LRP6: variants seen among roughly 807,000 people sequenced by gnomAD.
LRP6 encodes LDL receptor related protein 6, also known as low-density lipoprotein receptor-related protein 6.
LRP6 carries 43 observed loss-of-function variants against 184.1 expected under a neutral mutation model. The observed-to-expected ratio is 0.23, with a 90% confidence interval of 0.18 to 0.30. The LOEUF (loss-of-function observed/expected upper bound fraction) is 0.30, where lower values mean the gene tolerates loss of function less well. Among genes scored for constraint, LRP6 ranks in the 10% least tolerant of loss-of-function variants. LRP6 has a pLI of 1.00. For missense variants in LRP6, 1,571 were observed against 2,005.3 expected (o/e 0.78, Z 4.14); for synonymous variants, 719 against 684.9 (o/e 1.05, Z -0.78).
intron 13 of LRP6, among the ~76,000 whole-genome samples, chr12:12,149,903 G>T: frequency 6.6e-6 from 1 of 152,078 alleles, no homozygotes; most frequent in Middle Eastern, 3.2e-3. Flanking sequence ...CTATCTATTA[G>T]TTATCAGCCC....
rs1312063321 is a variant in LRP6, at chr12:12,118,177, AAATT to A, written c.*2945_*2948del. 2 of 152,224 alleles carry A rather than the reference AAATT, an allele frequency of 1.3e-5. No individual in the cohort carries two copies. The highest frequency in any genetic ancestry group is 2.1e-4 in the South Asian group (1 of 4,838). 9.4% of individuals were successfully genotyped at this position (152,224 alleles called of 1,614,324 possible). ...GGCATAATAAAATTTCATGGAAGAA[AAATT>A]AATAGTCAGAAAATTCTATCCACCA... On this transcript the variant is annotated 3_prime_UTR_variant, in exon 23 of 23. Transcript: ENST00000261349.
intron 3 of LRP6, among the ~76,000 whole-genome samples, chr12:12,193,538 G>A (rs1213337735): frequency 1.3e-5 from 2 of 151,060 alleles, no homozygotes; most frequent in African/African-American, 4.9e-5. Flanking sequence ...TGTGAATAAA[G>A]TGATGAATGA....
At chr12:12,157,710 C>T (rs1323615828) in intron 12 of LRP6, among the ~76,000 whole-genome samples, 2 of 152,050 alleles carry the variant, frequency 1.3e-5, no homozygotes, top group African/African-American at 4.8e-5. Flanking sequence ...AGTTAATTAC[C>T]TCTAATATCC....
At chr12:12,159,591 C>T (rs1565578757) in intron 11 of LRP6, among the ~76,000 whole-genome samples, 189 bp downstream of exon 11, 1 of 152,024 alleles carries the variant, frequency 6.6e-6, no homozygotes, top group Non-Finnish European at 1.5e-5. Flanking sequence ...GAAACTTTCA[C>T]ATAATAAAAA....
At chr12:12,252,755 A>G (rs933266767) in intron 1 of LRP6, among the ~76,000 whole-genome samples, 1 of 152,214 alleles carries the variant, frequency 6.6e-6, no homozygotes. Flanking sequence ...ATGCTATTAT[A>G]TAGAAGTTAA....
intron 1 of LRP6, chr12:12,249,414 A>G (rs1280215450): frequency 2.5e-6 from 2 of 814,432 alleles, no homozygotes; most frequent in South Asian, 1.4e-5. Context: ...CCTCAAGGAC[A>G]GTGTTACAGC....
At chr12:12,164,025 G>A (rs897596115) in intron 9 of LRP6, among the ~76,000 whole-genome samples, 15 of 151,962 alleles carry the variant, frequency 9.9e-5, no homozygotes, top group African/African-American at 3.6e-4. Flanking sequence ...AGCTGCTCGG[G>A]AGGCTGAAGC....
At chr12:12,169,021 G>A (rs1862959310) in intron 7 of LRP6, among the ~76,000 whole-genome samples, 2 of 152,106 alleles carry the variant, frequency 1.3e-5, no homozygotes, top group South Asian at 4.1e-4. Flanking sequence ...TTGAGGTCAG[G>A]AGTTCGAGAC....
intron 1 of LRP6, among the ~76,000 whole-genome samples, chr12:12,254,707 C>A (rs1412304976): frequency 1.3e-5 from 2 of 152,210 alleles, no homozygotes; most frequent in Non-Finnish European, 2.9e-5. Context: ...TGACCAAATA[C>A]TTCTAAGTTA....
intron 3 of LRP6, among the ~76,000 whole-genome samples, chr12:12,194,232 A>G (rs1863693040): frequency 1.3e-5 from 2 of 152,090 alleles, no homozygotes; most frequent in Admixed American, 6.6e-5. Flanking sequence ...CCTACAGGTA[A>G]TATCATGCTC....
At chr12:12,227,946 G>A (rs1023281429) in intron 2 of LRP6, among the ~76,000 whole-genome samples, 10 of 152,214 alleles carry the variant, frequency 6.6e-5, no homozygotes, top group African/African-American at 2.4e-4. Flanking sequence ...AGCCCTTTCT[G>A]CTTCAGTTTG....
chr12:12,194,539 T>C (rs779542913), intron 3 of LRP6, among the ~76,000 whole-genome samples: 18 of 152,074 alleles, frequency 1.2e-4, no homozygotes, highest in Non-Finnish European at 4.4e-5. Flanking sequence ...CACAGAAAAA[T>C]AGTTTAGTCT....
At chr12:12,180,160 A>G (rs1863307743) in intron 6 of LRP6, among the ~76,000 whole-genome samples, 179 bp from the exon 7 acceptor site, 1 of 149,946 alleles carries the variant, frequency 6.7e-6, no homozygotes, top group Admixed American at 6.6e-5. Flanking sequence ...AATATATAAG[A>G]TTGTGGGAAA....
At position 12,247,541 on chromosome 12, in the gene LRP6, T is replaced by A. The variant is rs148704066; in HGVS notation, c.56-2886A>T. Among the ~76,000 whole-genome samples the A allele has an allele frequency of 2.9e-3, 435 of 152,282 alleles. 3 individuals are homozygous for A. Among genetic ancestry groups the A allele is most frequent in the African/African-American group, 9.4e-3 (391 of 41,558 alleles). On this transcript the variant is annotated intron_variant, in intron 1 of 22. Transcript: ENST00000261349. ...TTAAGTTAGCAATACTGGTTACAAT[T>A]GAGGATTTGTAAAGGACTGTACATA...
chr12:12,119,109 C>CT lies in LRP6; in HGVS notation c.*2016dup, dbSNP rs1409424732. The CT allele has an allele frequency of 8.5e-5, 13 of 152,194 alleles. No homozygotes were observed. The highest frequency in any genetic ancestry group is 1.6e-4 in the Non-Finnish European group (11 of 68,042). 9.4% of individuals were successfully genotyped at this position (152,194 alleles called of 1,614,324 possible). A position where few individuals can be genotyped will look rare whatever the true frequency, so the allele number is the denominator to read the frequency against. ...AGCAATGGGAAGAGTTCATGCTTGT[C>CT]TGTTTTAGGATTCTGATAGATTTAC... On this transcript the variant is annotated 3_prime_UTR_variant, in exon 23 of 23. Coordinates refer to ENST00000261349, the MANE Select transcript of LRP6 (RefSeq NM_002336.3).
At chr12:12,126,611 G>A in intron 20 of LRP6, 80 bp downstream of exon 20, 2 of 1,059,848 alleles carry the variant, frequency 1.9e-6, no homozygotes, top group East Asian at 4.7e-5. Context: ...CAGACTCTAG[G>A]TAGTATTCTT....
chr12:12,150,106 A>G (rs902673491), intron 13 of LRP6, among the ~76,000 whole-genome samples: 14 of 152,116 alleles, frequency 9.2e-5, no homozygotes, highest in African/African-American at 3.1e-4. Context: ...CACTGCTATG[A>G]GGATGACAAC....
At chr12:12,226,545 A>T (rs1406941948) in intron 2 of LRP6, 1 of 152,224 alleles carries the variant, frequency 6.6e-6, no homozygotes, top group Non-Finnish European at 1.5e-5. Context: ...AATGCCTTTG[A>T]TGGGTTTATT....
chr12:12,263,964 A>G (rs1865694241), intron 1 of LRP6, among the ~76,000 whole-genome samples: 1 of 151,692 alleles, frequency 6.6e-6, no homozygotes, highest in Non-Finnish European at 1.5e-5. Flanking sequence ...ATATCAAGAC[A>G]CCCCCACACC....
Sources: allele counts gnomAD v4.1 joint callset (sites outside exome capture counted in the v4.1 genomes callset), GRCh38; gene constraint gnomAD v4.1.1; transcripts MANE v1.5; gene names NCBI Gene and HGNC (gene_info 2026-07-23, HGNC 2026-07-21).